STPG1: variants seen among roughly 807,000 people sequenced by gnomAD.
The protein encoded by STPG1 is O(6)-methylguanine-induced apoptosis 2.
STPG1 carries 33 observed loss-of-function variants against 40.1 expected under a neutral mutation model. That is an observed-to-expected ratio of 0.82 (90% confidence interval 0.62 to 1.10). The LOEUF (loss-of-function observed/expected upper bound fraction) is 1.10. STPG1 is among the 50% of genes least tolerant of loss of function. The pLI is 0.00. For missense variants in STPG1, 396 were observed against 415.1 expected, an observed-to-expected ratio of 0.95 and a Z score of 0.40; for synonymous variants, 150 against 155.0, an observed-to-expected ratio of 0.97 and a Z score of 0.24.
intron 6 of STPG1, among the ~76,000 whole-genome samples, chr1:24,370,092 A>G (rs535459051): frequency 6.6e-6 from 1 of 152,320 alleles, no homozygotes; most frequent in African/African-American, 2.4e-5. Context: ...TTCATTCTAC[A>G]CATGGGAAAC....
chr1:24,378,648 TAGA>T (rs1362213895), intron 5 of STPG1, among the ~76,000 whole-genome samples: 2 of 152,256 alleles, frequency 1.3e-5, no homozygotes, highest in African/African-American at 4.8e-5. Context: ...GAATCCATCA[TAGA>T]AGGTGGGCAG....
rs115741783 is a variant in STPG1 at position 24,409,889 on chromosome 1, C to A, written c.-69+3785G>T. Among the ~76,000 whole-genome samples the A allele has an allele frequency of 3.2e-3, 480 of 152,268 alleles. 2 individuals carry two copies. The highest frequency in any genetic ancestry group is 0.011 in the African/African-American group (464 of 41,530). ...GCCAGCACTTTGGACATGCCAAAGA[C>A]AAGCTGTAAAGTGCCTCCTTTATGT... On this transcript the variant is annotated intron_variant, in intron 1 of 8. Coordinates refer to ENST00000337248, the MANE Select transcript of STPG1 (RefSeq NM_001199013.2).
upstream of STPG1, chr1:24,414,292 C>A (rs951822563): frequency 6.6e-6 from 1 of 151,966 alleles, no homozygotes; most frequent in East Asian, 1.9e-4. Context: ...GTGATCCACC[C>A]GCCTCGGCCT....
intron 3 of STPG1, 115 bp downstream of exon 3, chr1:24,391,446 G>A: frequency 1.6e-6 from 1 of 621,446 alleles, no homozygotes; most frequent in South Asian, 2.3e-5. Context: ...CGGCTCCTGG[G>A]AGCACACTGC....
intron 1 of STPG1, among the ~76,000 whole-genome samples, chr1:24,412,986 T>C (rs1260178174): frequency 6.6e-6 from 1 of 152,258 alleles, no homozygotes; most frequent in Non-Finnish European, 1.5e-5. Context: ...TATAAACATG[T>C]ACTAAACTAT....
chr1:24,383,749 T>C (rs1642385504), intron 4 of STPG1, 153 bp downstream of exon 4: 2 of 594,514 alleles, frequency 3.4e-6, no homozygotes, highest in African/African-American at 3.7e-5. Context: ...CAGGGTCCAA[T>C]TTACTTGCAT....
chr1:24,378,214 A>G (rs1642118282), intron 5 of STPG1, among the ~76,000 whole-genome samples: 1 of 152,236 alleles, frequency 6.6e-6, no homozygotes, highest in Admixed American at 6.5e-5. Flanking sequence ...AGTCTTCCTC[A>G]AATATAAAAT....
chr1:24,357,841 T>G lies in STPG1; in HGVS notation c.*702A>C. ...GAAGGGCCTGTAAGCCTTGAGAAAA[T>G]TCAGTCCCGCCAGCAGAGAAAGTCA... On this transcript the variant is annotated 3_prime_UTR_variant, in exon 9 of 9. Transcript: ENST00000337248. The G allele has an allele frequency of 3.4e-6, 1 of 294,294 alleles. No homozygotes were observed. Among genetic ancestry groups the G allele is most frequent in the South Asian group, 3.5e-5 (1 of 28,674 alleles). The allele number at this position is 294,294 out of a possible 1,614,324, so 18.2% of individuals were successfully genotyped here. A position where few individuals can be genotyped will look rare whatever the true frequency, so the allele number is the denominator to read the frequency against.
intron 5 of STPG1, among the ~76,000 whole-genome samples, chr1:24,374,267 T>G (rs1000969102): frequency 1.5e-5 from 2 of 134,722 alleles, no homozygotes; most frequent in South Asian, 2.5e-4. Context: ...GTTTTTTTTT[T>G]TTTTTTTCTG....
intron 5 of STPG1, among the ~76,000 whole-genome samples, chr1:24,377,778 T>C (rs539122697): frequency 6.6e-6 from 1 of 152,158 alleles, no homozygotes; most frequent in Non-Finnish European, 1.5e-5. Flanking sequence ...TGGAATGAGG[T>C]GACTTTGATC....
rs1233422786 is a variant in STPG1, at chr1:24,399,053, AC to A, written c.70+2265del. Among the ~76,000 whole-genome samples the A allele has an allele frequency of 6.6e-6, 1 of 152,180 alleles. No individual in the cohort carries two copies. Among genetic ancestry groups the A allele is most frequent in the Non-Finnish European group, 1.5e-5 (1 of 68,002 alleles). ...TCTTGTATCAAAATATCATGTGTGC[AC>A]CATAAATATGTACAACTATTATGTA... is the stretch of plus-strand genomic sequence containing the variant. On this transcript the variant is annotated intron_variant, in intron 2 of 8. Transcript: ENST00000337248. The surrounding 1 kb of genome is among the most constrained non-coding windows in gnomAD (Gnocchi z 4.0).
At chr1:24,381,331 C>T (rs774000454) in intron 4 of STPG1, among the ~76,000 whole-genome samples, 1 of 152,208 alleles carries the variant, frequency 6.6e-6, no homozygotes, top group Admixed American at 6.5e-5. Context: ...TATAAAGTAT[C>T]GTAATAGAAT....
At chr1:24,413,377 G>C (rs1179192672) in intron 1 of STPG1, among the ~76,000 whole-genome samples, 1 of 152,242 alleles carries the variant, frequency 6.6e-6, no homozygotes, top group Non-Finnish European at 1.5e-5. Context: ...GCGCACTCGC[G>C]GAGCCTGAGC....
chr1:24,405,705 C>G lies in STPG1; in HGVS notation c.-68-4249G>C, dbSNP rs151174388. Among the ~76,000 whole-genome samples the G allele has an allele frequency of 2.4e-3, 364 of 152,190 alleles. 4 individuals carry two copies. The highest frequency in any genetic ancestry group is 8.0e-3 in the African/African-American group (331 of 41,516). On this transcript the variant is annotated intron_variant, in intron 1 of 8. Coordinates refer to ENST00000337248, the MANE Select transcript of STPG1 (RefSeq NM_001199013.2). ...GTTGTGTATTTTGAAGCACTATTACCAGGTGCATGAACATTTATAATTTTT... is the reference window on the plus strand; with the variant it reads ...GTTGTGTATTTTGAAGCACTATTACGAGGTGCATGAACATTTATAATTTTT...
chr1:24,410,966 A>G (rs1643598138), intron 1 of STPG1: 1 of 152,212 alleles, frequency 6.6e-6, no homozygotes, highest in African/African-American at 2.4e-5. Flanking sequence ...ATTCTCGATG[A>G]GTCACTTAAA....
chr1:24,389,438 G>A (rs1299453238), intron 3 of STPG1, among the ~76,000 whole-genome samples: 1 of 152,108 alleles, frequency 6.6e-6, no homozygotes, highest in Non-Finnish European at 1.5e-5. Context: ...GCTTTGGAGT[G>A]AACTAGACCT....
intron 4 of STPG1, among the ~76,000 whole-genome samples, chr1:24,383,629 G>A (rs939046957): frequency 2.0e-5 from 3 of 152,166 alleles, no homozygotes; most frequent in Admixed American, 6.5e-5. Context: ...CTTGCTTAGT[G>A]CACTCAGTGA....
At chr1:24,404,928 C>T (rs1297428892) in intron 1 of STPG1, among the ~76,000 whole-genome samples, 1 of 151,934 alleles carries the variant, frequency 6.6e-6, no homozygotes, top group East Asian at 1.9e-4. Flanking sequence ...TTTCTTTCTT[C>T]CTGCTTACTT....
rs542757220 is a variant in STPG1, at chr1:24,374,209, G to A, written c.463-399C>T. On this transcript the variant is annotated intron_variant, in intron 5 of 8. Transcript: ENST00000337248. ...TTGCTGTGGAGTTCTGTCAGGGAGT[G>A]GGGGTGGCCCAGCAGAGATCACCGC... Among the ~76,000 whole-genome samples, 368 of 151,370 alleles carry A rather than the reference G, an allele frequency of 2.4e-3. 2 individuals carry two copies. Among genetic ancestry groups the A allele is most frequent in the African/African-American group, 8.2e-3 (339 of 41,170 alleles).
Sources: gnomAD v4.1 joint callset for allele counts (sites outside exome capture counted in the v4.1 genomes callset) on GRCh38, gnomAD v4.1.1 for gene constraint, Gnocchi (gnomAD v3.1) non-coding constraint, MANE v1.5 for transcripts, NCBI Gene and HGNC (gene_info 2026-07-23, HGNC 2026-07-21) for gene names.